ZPLD1: variants seen among roughly 807,000 people sequenced by gnomAD.
ZPLD1 encodes the protein zona pellucida-like domain-containing protein 1.
ZPLD1 carries 34 observed loss-of-function variants against 47.2 expected under a neutral mutation model. That is an observed-to-expected ratio of 0.72 (90% CI 0.55 to 0.96). The LOEUF is 0.96. ZPLD1 is among the 40% of genes least tolerant of loss of function. ZPLD1 has a pLI of 0.00. For synonymous variants in ZPLD1, 176 were observed against 186.2 expected (o/e 0.95, Z 0.45); for missense variants, 512 against 505.8 (o/e 1.01, Z -0.12).
At position 102,470,581 on chromosome 3, in the gene ZPLD1, A is replaced by G. The variant is rs187374380; in HGVS notation, c.1042+79A>G. Reference sequence around the variant, plus strand: ...TTACTTGGCTTCTAACGAGAACTCAAAGTGGTTCCTAAACAGCACTAATTA... The same window carrying G: ...TTACTTGGCTTCTAACGAGAACTCAGAGTGGTTCCTAAACAGCACTAATTA... On this transcript the variant is annotated intron_variant, in intron 10 of 11. Transcript: ENST00000466937. 115 of 1,142,458 alleles carry G rather than the reference A, an allele frequency of 1.0e-4. No individual in the cohort carries two copies. In the African/African-American group the frequency reaches 1.6e-3, roughly 16 times the overall value. 70.8% of individuals were successfully genotyped at this position (1,142,458 alleles called of 1,614,324 possible).
At chr3:102,400,283 G>A (rs1489952077) in intron 7 of ZPLD1, among the ~76,000 whole-genome samples, 1 of 152,154 alleles carries the variant, frequency 6.6e-6, no homozygotes, top group South Asian at 2.1e-4. Flanking sequence ...TCCTTGATGT[G>A]CACTTTTCTC....
Position 102,469,134 on chromosome 3 carries a change from C to A in ZPLD1, c.932C>A (p.Pro311Gln), listed in dbSNP as rs35230466. The A allele has an allele frequency of 6.2e-7, 1 of 1,605,084 alleles. No homozygotes were observed. Among genetic ancestry groups the A allele is most frequent in the East Asian group, 2.2e-5 (1 of 44,660 alleles). Reference sequence around the variant, plus strand: ...GCAGATGACTGCCCCTTCCTTATGCCGGTATGTTTTTAAGGAACTTCATTT... The same window carrying A: ...GCAGATGACTGCCCCTTCCTTATGCAGGTATGTTTTTAAGGAACTTCATTT... ...CRADDCPFLM[P>Q]ICSHRERRDA... Residue 311 changes from proline to glutamine, a missense_variant and splice_region_variant, in exon 9 of 12, where the codon CCG becomes CAG. Pro to Gln is a moderately conservative substitution (Grantham distance 76, BLOSUM62 -1). Transcript: ENST00000466937.
upstream of ZPLD1, among the ~76,000 whole-genome samples, chr3:102,431,018 A>G (rs1473695610): frequency 1.3e-5 from 2 of 152,204 alleles, no homozygotes; most frequent in African/African-American, 4.8e-5. Context: ...AACCTGGTGA[A>G]TTATTAAGGG....
At chr3:102,464,892 A>G (rs1408392206) in intron 8 of ZPLD1, among the ~76,000 whole-genome samples, 1 of 152,186 alleles carries the variant, frequency 6.6e-6, no homozygotes, top group Admixed American at 6.5e-5. Flanking sequence ...CAGACTTGAG[A>G]GTCAAGCAAT....
rs768060259 is a variant in ZPLD1 at position 102,468,947 on chromosome 3, C to T, written c.762-17C>T. 110 of 1,601,600 alleles carry T rather than the reference C, an allele frequency of 6.9e-5. No homozygotes were observed. The South Asian group carries it at 1.1e-3, about 16-fold the overall frequency. ...ACTTTCCAGTGATGTCCTGTTTTCA[C>T]GTTCCCTAAAATTTAGCTGTGACAA... is the stretch of plus-strand genomic sequence containing the variant. On this transcript the variant is annotated splice_polypyrimidine_tract_variant and intron_variant, in intron 8 of 11. Coordinates refer to ENST00000466937, the MANE Select transcript of ZPLD1 (RefSeq NM_001329788.2).
intron 7 of ZPLD1, among the ~76,000 whole-genome samples, chr3:102,413,054 A>G (rs1706763551): frequency 6.6e-6 from 1 of 151,866 alleles, no homozygotes; most frequent in Non-Finnish European, 1.5e-5. Flanking sequence ...TAGAATAGAA[A>G]CTGGTTTGAC....
At chr3:102,463,509 C>A (rs1003506711) in intron 7 of ZPLD1, among the ~76,000 whole-genome samples, 2 of 152,120 alleles carry the variant, frequency 1.3e-5, no homozygotes, top group African/African-American at 4.8e-5. Flanking sequence ...AGACTTGACT[C>A]CCCTTAATGT....
At chr3:102,395,959 A>G (rs564240882) in intron 7 of ZPLD1, among the ~76,000 whole-genome samples, 8 of 152,296 alleles carry the variant, frequency 5.3e-5, no homozygotes, top group East Asian at 1.9e-4. Flanking sequence ...TGGTCTTGAC[A>G]TGCTGCTTTT....
At chr3:102,393,676 C>A in intron 7 of ZPLD1, among the ~76,000 whole-genome samples, 1 of 151,464 alleles carries the variant, frequency 6.6e-6, no homozygotes, top group African/African-American at 2.4e-5. Context: ...GGATAAAACA[C>A]TTAGGTTTGA....
chr3:102,394,063 A>G (rs1706531013), intron 7 of ZPLD1, among the ~76,000 whole-genome samples: 1 of 152,196 alleles, frequency 6.6e-6, no homozygotes, highest in Non-Finnish European at 1.5e-5. Flanking sequence ...ACAAAGTGAA[A>G]AACCTTTTAG....
At chr3:102,427,948 T>C (rs1053368411) in intron 8 of ZPLD1, among the ~76,000 whole-genome samples, 6 of 152,192 alleles carry the variant, frequency 3.9e-5, no homozygotes, top group African/African-American at 1.4e-4. Flanking sequence ...TTCTGTAAGT[T>C]TTACTGTTTT....
chr3:102,432,909 C>A (rs1367910623), upstream of ZPLD1, among the ~76,000 whole-genome samples: 1 of 152,138 alleles, frequency 6.6e-6, no homozygotes, highest in Non-Finnish European at 1.5e-5. Context: ...TATCTCTGAC[C>A]ACTTTATTTA....
chr3:102,404,228 A>G (rs879389228), intron 7 of ZPLD1, among the ~76,000 whole-genome samples: 17 of 151,976 alleles, frequency 1.1e-4, no homozygotes, highest in Admixed American at 6.6e-5. Flanking sequence ...GCATAAACTC[A>G]TTGGATATGC....
upstream of ZPLD1, among the ~76,000 whole-genome samples, chr3:102,434,391 A>G (rs1707055436): frequency 6.6e-6 from 1 of 152,178 alleles, no homozygotes; most frequent in South Asian, 2.1e-4. Flanking sequence ...TATATGTTGG[A>G]AGAAGTCATT....
At chr3:102,475,883 G>T (rs1365278929) in intron 10 of ZPLD1, among the ~76,000 whole-genome samples, 2 of 152,004 alleles carry the variant, frequency 1.3e-5, no homozygotes. Flanking sequence ...CCCATTACTT[G>T]CTTAAAATAC....
At chr3:102,468,059 A>C (rs1426110422) in intron 8 of ZPLD1, among the ~76,000 whole-genome samples, 1 of 152,180 alleles carries the variant, frequency 6.6e-6, no homozygotes, top group East Asian at 1.9e-4. Context: ...ACTATAAGGT[A>C]TGTGAAGATA....
At chr3:102,464,848 G>C (rs1707567523) in intron 8 of ZPLD1, among the ~76,000 whole-genome samples, 3 of 152,180 alleles carry the variant, frequency 2.0e-5, no homozygotes, top group Non-Finnish European at 2.9e-5. Flanking sequence ...AATCATCTCA[G>C]TTCCTTTTCA....
intron 6 of ZPLD1, among the ~76,000 whole-genome samples, chr3:102,458,349 A>G (rs1225419158): frequency 6.6e-6 from 1 of 152,214 alleles, no homozygotes; most frequent in African/African-American, 2.4e-5. Context: ...ACTACATAGC[A>G]TTATCTAAAT....
upstream of ZPLD1, among the ~76,000 whole-genome samples, chr3:102,431,054 A>G (rs527241538): frequency 2.0e-5 from 3 of 152,302 alleles, no homozygotes; most frequent in Admixed American, 6.5e-5. Flanking sequence ...ACTTAGTTCC[A>G]CCTATCATTT....
Sources: allele counts gnomAD v4.1 joint callset (sites outside exome capture counted in the v4.1 genomes callset), GRCh38; gene constraint gnomAD v4.1.1; transcripts MANE v1.5; gene names NCBI Gene and HGNC (gene_info 2026-07-23, HGNC 2026-07-21).